Variants in THSD7A observed in about 807,000 individuals in gnomAD.
The protein encoded by THSD7A is thrombospondin type-1 domain-containing protein 7A.
In THSD7A, 96 loss-of-function variants were observed where a neutral mutation model predicts 231.3. The ratio of observed to expected loss-of-function variants is 0.41; its 90% CI spans 0.35 to 0.49. The LOEUF (loss-of-function observed/expected upper bound fraction) is 0.49. THSD7A is among the 20% of genes least tolerant of loss of function. THSD7A has a pLI of 0.05. For synonymous variants in THSD7A, 940 were observed against 743.3 expected (o/e 1.26, Z -4.30); for missense variants, 2,290 against 2,070.2 (o/e 1.11, Z -2.06).
rs190656551 is a variant in THSD7A, at chr7:11,729,694, T to G, written c.191-92733A>C. On this transcript the variant is annotated intron_variant, in intron 1 of 27. Coordinates refer to ENST00000423059, the MANE Select transcript of THSD7A (RefSeq NM_015204.3). ...ATCTAAAGATTGAACTGTTGCCTTT[T>G]ATAAGGAAAGAAATCCATTCATGGC... Among the ~76,000 whole-genome samples, 102 of 151,774 alleles carry G rather than the reference T, an allele frequency of 6.7e-4. 1 individual carries two copies. Among genetic ancestry groups the G allele is most frequent in the Admixed American group, 2.8e-3 (43 of 15,184 alleles).
At chr7:11,422,141 C>CAA in intron 16 of THSD7A, among the ~76,000 whole-genome samples, 1 of 152,182 alleles carries the variant, frequency 6.6e-6, no homozygotes, top group African/African-American at 2.4e-5. Context: ...GTATTTTCTG[C>CAA]ATAGATTTAA....
chr7:11,511,593 C>T (rs544416396), intron 6 of THSD7A, among the ~76,000 whole-genome samples: 9 of 152,156 alleles, frequency 5.9e-5, no homozygotes, highest in Non-Finnish European at 7.4e-5. Context: ...GAGATATAGA[C>T]CAATGGAACA....
intron 1 of THSD7A, among the ~76,000 whole-genome samples, chr7:11,665,551 T>A (rs1470113372): frequency 1.3e-5 from 2 of 152,166 alleles, no homozygotes; most frequent in Non-Finnish European, 2.9e-5. Context: ...TGACAATTAC[T>A]ACCCTTCCAC....
At chr7:11,657,278 G>C (rs1782745838) in intron 1 of THSD7A, among the ~76,000 whole-genome samples, 1 of 151,786 alleles carries the variant, frequency 6.6e-6, no homozygotes, top group South Asian at 2.1e-4. Flanking sequence ...ATTTGAGTTG[G>C]ATAGGTAGGA....
intron 6 of THSD7A, among the ~76,000 whole-genome samples, chr7:11,507,714 A>G (rs765889976): frequency 1.2e-4 from 18 of 151,946 alleles, no homozygotes; most frequent in Non-Finnish European, 2.1e-4. Context: ...GAAAGTATTC[A>G]TGTTTTCTGT....
chr7:11,803,379 T>C (rs933539102), intron 1 of THSD7A, among the ~76,000 whole-genome samples: 3 of 152,146 alleles, frequency 2.0e-5, no homozygotes, highest in African/African-American at 7.2e-5. Context: ...ATCCCATAAG[T>C]TCTGCTTCAA....
chr7:11,660,910 A>T (rs1185211459), intron 1 of THSD7A, among the ~76,000 whole-genome samples: 3 of 151,498 alleles, frequency 2.0e-5, no homozygotes, highest in African/African-American at 7.3e-5. Flanking sequence ...ACAGAGACAT[A>T]TTAATGCAGC....
chr7:11,577,074 T>C (rs1562737014), intron 4 of THSD7A, among the ~76,000 whole-genome samples: 1 of 152,182 alleles, frequency 6.6e-6, no homozygotes, highest in Non-Finnish European at 1.5e-5. Flanking sequence ...TCAGGTTAGT[T>C]ATGTATTAAT....
At chr7:11,807,023 TC>T (rs1784416548) in intron 1 of THSD7A, among the ~76,000 whole-genome samples, 1 of 152,140 alleles carries the variant, frequency 6.6e-6, no homozygotes, top group South Asian at 2.1e-4. Flanking sequence ...TCTTTCTTCT[TC>T]TTTCTCTCTC....
intron 23 of THSD7A, among the ~76,000 whole-genome samples, chr7:11,386,030 T>C (rs997269502): frequency 1.3e-5 from 2 of 152,222 alleles, no homozygotes; most frequent in African/African-American, 4.8e-5. Flanking sequence ...TCCATGTCCC[T>C]GCAAAGGACA....
At chr7:11,811,188 AC>A (rs1352132461) in intron 1 of THSD7A, among the ~76,000 whole-genome samples, 4 of 152,196 alleles carry the variant, frequency 2.6e-5, no homozygotes, top group Non-Finnish European at 5.9e-5. Flanking sequence ...GATTAAGAAA[AC>A]AAATTTCCTA....
chr7:11,409,079 C>G, intron 19 of THSD7A, among the ~76,000 whole-genome samples: 1 of 152,050 alleles, frequency 6.6e-6, no homozygotes. Context: ...TTAATTTGCT[C>G]TCTCATTTAC....
At chr7:11,741,453 T>C (rs1782109973) in intron 1 of THSD7A, among the ~76,000 whole-genome samples, 1 of 151,946 alleles carries the variant, frequency 6.6e-6, no homozygotes, top group Admixed American at 6.6e-5. Flanking sequence ...TGGTTAATTT[T>C]GTGGGAATAT....
intron 1 of THSD7A, among the ~76,000 whole-genome samples, chr7:11,789,534 G>A (rs983729503): frequency 6.7e-6 from 1 of 150,164 alleles, no homozygotes; most frequent in African/African-American, 2.4e-5. Context: ...GAATAAGGTT[G>A]AATATGTTTT....
intron 1 of THSD7A, among the ~76,000 whole-genome samples, chr7:11,789,376 C>T (rs1215005414): frequency 6.6e-6 from 1 of 152,020 alleles, no homozygotes; most frequent in Non-Finnish European, 1.5e-5. Flanking sequence ...CATGATCATA[C>T]TGACTGCTGT....
intron 16 of THSD7A, among the ~76,000 whole-genome samples, chr7:11,419,129 T>C (rs1300725322): frequency 6.6e-6 from 1 of 152,194 alleles, no homozygotes; most frequent in Non-Finnish European, 1.5e-5. Flanking sequence ...AATTACCTAT[T>C]GACCAGAGTT....
chr7:11,441,675 C>T lies in THSD7A; in HGVS notation c.3064+4386G>A, dbSNP rs575732933. On this transcript the variant is annotated intron_variant, in intron 13 of 27. Coordinates refer to ENST00000423059, the MANE Select transcript of THSD7A (RefSeq NM_015204.3). ...ACATTTTTTATTCATCACAAGATTC[C>T]TCTAAGATGATATTGGTTGATGAAA... Among the ~76,000 whole-genome samples, 303 of 152,028 alleles carry T rather than the reference C, an allele frequency of 2.0e-3. 1 individual carries two copies. The highest frequency in any genetic ancestry group is 6.9e-3 in the African/African-American group (285 of 41,480).
At chr7:11,407,078 C>T (rs764999505) in intron 20 of THSD7A, 23 bp from the exon 21 acceptor site, 13 of 1,612,498 alleles carry the variant, frequency 8.1e-6, no homozygotes, top group African/African-American at 1.3e-5. Flanking sequence ...CAAAGTGATG[C>T]ACCTTTAATA....
At chr7:11,780,455 T>A (rs989423820) in intron 1 of THSD7A, among the ~76,000 whole-genome samples, 2 of 152,144 alleles carry the variant, frequency 1.3e-5, no homozygotes, top group African/African-American at 2.4e-5. Context: ...AGCTGTGACA[T>A]TTTGAGTTTA....
Sources: gnomAD v4.1 joint callset for allele counts (sites outside exome capture counted in the v4.1 genomes callset) on GRCh38, gnomAD v4.1.1 for gene constraint, MANE v1.5 for transcripts, NCBI Gene and HGNC (gene_info 2026-07-23, HGNC 2026-07-21) for gene names.